SNX4: variants seen among roughly 807,000 people sequenced by gnomAD.
SNX4 encodes the protein sorting nexin 4, also known as sorting nexin-4.
SNX4 carries 49 observed loss-of-function variants against 70.8 expected under a neutral mutation model. The observed-to-expected ratio is 0.69, with a 90% CI of 0.55 to 0.88. The LOEUF is 0.88. Ranked by LOEUF, SNX4 falls within the 40% of genes least tolerant of loss-of-function variation. SNX4 has a pLI of 0.00. For synonymous variants in SNX4, 206 were observed against 183.8 expected, an observed-to-expected ratio of 1.12 and a Z score of -0.98; for missense variants, 528 against 544.8, an observed-to-expected ratio of 0.97 and a Z score of 0.31.
intron 1 of SNX4, among the ~76,000 whole-genome samples, chr3:125,518,650 T>G (rs10934714): frequency 2.0e-5 from 3 of 151,980 alleles, no homozygotes; most frequent in Non-Finnish European, 2.9e-5. Context: ...CAGGTGGGCA[T>G]GAGCCCAGGA....
At position 125,480,269 on chromosome 3, in the gene SNX4, G is replaced by A; in HGVS notation, c.704C>T (p.Ser235Leu). ...TACAGCTCTGACTCGAAGAAGATGT[G>A]AGATGACAGACTGCAGTTCATCACT... Reference protein sequence around the residue: ...HYSDELQSVISHLLRVRARVA... With the variant: ...HYSDELQSVILHLLRVRARVA... The change falls in exon 7 of 14, where the codon TCA (serine) becomes TTA (leucine). Residue 235 changes from serine (S) to leucine (L), a missense_variant. Transcript: ENST00000251775. 6.4e-7 allele frequency: 1 copy of A among 1,566,900 alleles called. No individual in the cohort carries two copies.
chr3:125,485,269 A>T (rs116517650), intron 6 of SNX4, among the ~76,000 whole-genome samples: 370 of 152,108 alleles, frequency 2.4e-3, no homozygotes, highest in African/African-American at 8.5e-3. Context: ...GCAAAAACAC[A>T]GCTTGGGGTA....
chr3:125,458,992 G>A (rs1933806626), intron 10 of SNX4, among the ~76,000 whole-genome samples: 1 of 151,752 alleles, frequency 6.6e-6, no homozygotes, highest in African/African-American at 2.4e-5. Flanking sequence ...TGACCAACAT[G>A]GTAAAACCCC....
chr3:125,468,951 T>C (rs1047589137), intron 9 of SNX4, among the ~76,000 whole-genome samples: 2 of 152,184 alleles, frequency 1.3e-5, no homozygotes, highest in Admixed American at 1.3e-4. Context: ...GAAAATATAG[T>C]TTTGCTTCTT....
At chr3:125,456,186 T>C (rs1041325908) in intron 11 of SNX4, among the ~76,000 whole-genome samples, 1 of 152,114 alleles carries the variant, frequency 6.6e-6, no homozygotes, top group African/African-American at 2.4e-5. Flanking sequence ...GGTACAGAAT[T>C]TTCCTCACAA....
At chr3:125,475,679 A>G (rs544924994) in intron 8 of SNX4, among the ~76,000 whole-genome samples, 2 of 152,312 alleles carry the variant, frequency 1.3e-5, no homozygotes, top group East Asian at 1.9e-4. Flanking sequence ...AAATTTTTTA[A>G]TAATCCGAAG....
At chr3:125,474,019 C>A (rs1280273978) in intron 8 of SNX4, among the ~76,000 whole-genome samples, 2 of 152,232 alleles carry the variant, frequency 1.3e-5, no homozygotes, top group Non-Finnish European at 2.9e-5. Flanking sequence ...AATTTATCCA[C>A]ATGAGAACCC....
rs1933568034 is a variant in SNX4, at chr3:125,451,372, T to C, written c.1238A>G (p.Gln413Arg). ...GGCCTCCTTTAAGTCTCGGTTCTTTTGTTCTTTGAAGCGTTCAATATCAGC... is the reference window on the plus strand; with the variant it reads ...GGCCTCCTTTAAGTCTCGGTTCTTTCGTTCTTTGAAGCGTTCAATATCAGC... ...AWADIERFKE[Q>R]KNRDLKEALI... is the part of the protein sequence containing the mutation. The change falls in exon 13 of 14, where the codon CAA becomes CGA. Residue 413 changes from glutamine to arginine, a missense_variant. Coordinates refer to ENST00000251775, the MANE Select transcript of SNX4 (RefSeq NM_003794.4). 3 of 1,613,908 alleles carry C rather than the reference T, an allele frequency of 1.9e-6. No homozygotes were observed. In the African/African-American group the frequency reaches 4.0e-5, roughly 22 times the overall value.
At chr3:125,469,868 G>A (rs1934122870) in intron 8 of SNX4, among the ~76,000 whole-genome samples, 1 of 152,168 alleles carries the variant, frequency 6.6e-6, no homozygotes, top group African/African-American at 2.4e-5. Flanking sequence ...TTAATCAGAA[G>A]CTGTGGGGAT....
chr3:125,468,028 G>A (rs1382764265), intron 9 of SNX4, among the ~76,000 whole-genome samples: 2 of 152,150 alleles, frequency 1.3e-5, no homozygotes, highest in Non-Finnish European at 2.9e-5. Context: ...AGAAACTGTG[G>A]TACATGTATA....
intron 7 of SNX4, among the ~76,000 whole-genome samples, chr3:125,479,207 C>T (rs961204603): frequency 1.3e-5 from 2 of 152,180 alleles, no homozygotes; most frequent in Non-Finnish European, 2.9e-5. Flanking sequence ...CCACTCTCCA[C>T]TGCTCATCGG....
chr3:125,492,837 A>C (rs1041886300), intron 5 of SNX4, among the ~76,000 whole-genome samples: 3 of 152,158 alleles, frequency 2.0e-5, no homozygotes, highest in African/African-American at 7.2e-5. Flanking sequence ...GTTCCTGTGC[A>C]ATAACAAGAT....
intron 10 of SNX4, among the ~76,000 whole-genome samples, chr3:125,457,993 CTACA>C (rs765060983): frequency 1.4e-4 from 21 of 151,938 alleles, no homozygotes; most frequent in Non-Finnish European, 2.5e-4. Context: ...TATGTGAGAA[CTACA>C]TACATAATGT....
chr3:125,493,254 A>G (rs1384400226), intron 5 of SNX4, among the ~76,000 whole-genome samples: 1 of 152,166 alleles, frequency 6.6e-6, no homozygotes, highest in Non-Finnish European at 1.5e-5. Flanking sequence ...CAGATTGAGT[A>G]TTTATATAAA....
At chr3:125,475,061 T>C (rs1322799160) in intron 8 of SNX4, among the ~76,000 whole-genome samples, 1 of 152,172 alleles carries the variant, frequency 6.6e-6, no homozygotes, top group Non-Finnish European at 1.5e-5. Flanking sequence ...CAGTTGACCA[T>C]ATATTTTCAT....
intron 6 of SNX4, among the ~76,000 whole-genome samples, chr3:125,482,923 G>A (rs895095935): frequency 6.6e-6 from 1 of 152,026 alleles, no homozygotes; most frequent in Non-Finnish European, 1.5e-5. Flanking sequence ...GATGGAAGGT[G>A]GAAAATGTAC....
intron 8 of SNX4, among the ~76,000 whole-genome samples, chr3:125,475,600 G>T (rs567027653): frequency 1.6e-3 from 249 of 152,234 alleles, no homozygotes; most frequent in Middle Eastern, 0.01. Context: ...CCTGACTTCA[G>T]GTGATCCACC....
At chr3:125,516,010 G>A (rs989176339) in intron 1 of SNX4, among the ~76,000 whole-genome samples, 1 of 152,008 alleles carries the variant, frequency 6.6e-6, no homozygotes, top group Non-Finnish European at 1.5e-5. Flanking sequence ...AAACCTTACC[G>A]ACAATCTGGT....
rs921349334 is a variant in SNX4 at position 125,497,488 on chromosome 3, T to C, written c.550-100A>G. The C allele has an allele frequency of 1.5e-5, 12 of 818,312 alleles. No individual in the cohort carries two copies. The East Asian group carries it at 1.5e-4, about 10-fold the overall frequency. The allele number at this position is 818,312 out of a possible 1,614,324, so 50.7% of individuals were successfully genotyped here. On this transcript the variant is annotated intron_variant, in intron 4 of 13. Transcript: ENST00000251775. ...CATTCTGTTCTTACTTCAGCAGGAA[T>C]TGGAGAGAGAAGTTTAAAAAAATTT...
Sources: allele counts gnomAD v4.1 joint callset (sites outside exome capture counted in the v4.1 genomes callset), GRCh38; gene constraint gnomAD v4.1.1; transcripts MANE v1.5; gene names NCBI Gene and HGNC (gene_info 2026-07-23, HGNC 2026-07-21).